ATF7IP: variants seen among roughly 807,000 people sequenced by gnomAD.
ATF7IP encodes the protein activating transcription factor 7-interacting protein 1.
Under a neutral mutation model 106.4 loss-of-function variants are expected in ATF7IP, and 23 were observed. The ratio of observed to expected loss-of-function variants is 0.22; its 90% CI spans 0.16 to 0.31. ATF7IP has a LOEUF of 0.31. Among genes scored for constraint, ATF7IP ranks in the 10% least tolerant of loss-of-function variants. ATF7IP has a pLI of 1.00. For synonymous variants in ATF7IP, 542 were observed against 539.0 expected (o/e 1.01, Z -0.08); for missense variants, 1,334 against 1,524.3 (o/e 0.88, Z 2.08).
rs987738057 is a variant in ATF7IP at position 14,444,343 on chromosome 12, A to G, written c.1930-2645A>G. Among the ~76,000 whole-genome samples the G allele has an allele frequency of 4.6e-5, 7 of 152,304 alleles. No individual in the cohort carries two copies. The South Asian group carries it at 6.2e-4, about 14-fold the overall frequency. On this transcript the variant is annotated intron_variant, in intron 5 of 14. Transcript: ENST00000261168. ...TATTTACTTGCTTTTATGAGCAGTAATATTTGTTATAGGCCAACCTTGATG... is the reference window on the plus strand; with the variant it reads ...TATTTACTTGCTTTTATGAGCAGTAGTATTTGTTATAGGCCAACCTTGATG...
intron 1 of ATF7IP, among the ~76,000 whole-genome samples, chr12:14,415,694 T>TG (rs200453734): frequency 0.048 from 7,199 of 151,324 alleles, 187 homozygotes; most frequent in Non-Finnish European, 0.059. Context: ...ACTTACTGTT[T>TG]TTTTTTTTTT....
chr12:14,424,162 G>A lies in ATF7IP; in HGVS notation c.247G>A (p.Gly83Arg). 1 of 1,614,164 alleles carries A rather than the reference G, an allele frequency of 6.2e-7. No individual in the cohort carries two copies. The highest frequency in any genetic ancestry group is 8.5e-7 in the Non-Finnish European group (1 of 1,180,030). Residue 83 changes from glycine to arginine, a missense_variant, in exon 2 of 15, where the codon GGA (glycine) becomes AGA (arginine). Physicochemically the swap from Gly to Arg is moderately radical, Grantham distance 125. Around this residue, in one of 10 missense-constraint regions of ATF7IP, gnomAD observed 74 missense variants for 101.9 expected, o/e 0.73. Transcript: ENST00000261168. The part of the protein sequence containing the change: ...GIEEICFDPE[G>R]SKAEWKETPC... Reference sequence around the variant, plus strand: ...TGAAGAGATTTGTTTTGATCCTGAAGGAAGTAAAGCAGAATGGAAGGAAAC... The same window carrying A: ...TGAAGAGATTTGTTTTGATCCTGAAAGAAGTAAAGCAGAATGGAAGGAAAC...
chr12:14,419,051 A>G (rs371017253), intron 1 of ATF7IP: 1 of 152,154 alleles, frequency 6.6e-6, no homozygotes, highest in South Asian at 2.1e-4. Flanking sequence ...ATTCCTAAAA[A>G]CGTTATCCTG....
intron 1 of ATF7IP, among the ~76,000 whole-genome samples, chr12:14,393,036 TG>T (rs1939651007): frequency 6.6e-6 from 1 of 152,194 alleles, no homozygotes; most frequent in South Asian, 2.1e-4. Flanking sequence ...GTAAGCATGT[TG>T]TGGAGATTTT....
chr12:14,493,179 C>G (rs1944887004), intron 13 of ATF7IP, among the ~76,000 whole-genome samples: 1 of 152,180 alleles, frequency 6.6e-6, no homozygotes, highest in East Asian at 1.9e-4. Context: ...ACTTAGTGGG[C>G]CCAAATCAAG....
intron 13 of ATF7IP, among the ~76,000 whole-genome samples, chr12:14,486,101 G>C (rs1325132887): frequency 2.0e-5 from 3 of 152,188 alleles, no homozygotes; most frequent in Admixed American, 1.3e-4. Flanking sequence ...TCTGCCAGCT[G>C]CTAAGTATGT....
chr12:14,417,378 T>C (rs1472495149), intron 1 of ATF7IP, among the ~76,000 whole-genome samples: 1 of 152,132 alleles, frequency 6.6e-6, no homozygotes, highest in Non-Finnish European at 1.5e-5. Context: ...TTCATAATAC[T>C]ATCCCTAGTA....
chr12:14,401,107 C>T (rs1940165827), intron 1 of ATF7IP, among the ~76,000 whole-genome samples: 1 of 151,946 alleles, frequency 6.6e-6, no homozygotes. Flanking sequence ...TATTTTATGT[C>T]TAGTGTCTTT....
At chr12:14,417,853 A>C (rs927526879) in intron 1 of ATF7IP, among the ~76,000 whole-genome samples, 1 of 152,118 alleles carries the variant, frequency 6.6e-6, no homozygotes. Flanking sequence ...TTCTGACCTT[A>C]TTGTCTGTCT....
At chr12:14,412,007 A>G (rs765810143) in intron 1 of ATF7IP, among the ~76,000 whole-genome samples, 1 of 152,170 alleles carries the variant, frequency 6.6e-6, no homozygotes, top group Non-Finnish European at 1.5e-5. Context: ...GCATGTGGCT[A>G]TCCAGTTTTT....
At chr12:14,470,098 G>C (rs373532589) in intron 10 of ATF7IP, among the ~76,000 whole-genome samples, 45 of 152,228 alleles carry the variant, frequency 3.0e-4, no homozygotes, top group African/African-American at 1.1e-3. Flanking sequence ...ACTTCCAAGG[G>C]CAACGTTCTT....
At chr12:14,408,116 GCACACA>G (rs56229725) in intron 1 of ATF7IP, among the ~76,000 whole-genome samples, 5 of 148,982 alleles carry the variant, frequency 3.4e-5, no homozygotes, top group East Asian at 2.0e-4. Flanking sequence ...ATATTGATGT[GCACACA>G]CACACACACA....
chr12:14,394,732 A>G (rs1939744583), intron 1 of ATF7IP: 1 of 152,240 alleles, frequency 6.6e-6, no homozygotes, highest in Non-Finnish European at 1.5e-5. Flanking sequence ...TAGTGAGACC[A>G]CAATTGACAG....
intron 6 of ATF7IP, among the ~76,000 whole-genome samples, chr12:14,454,293 T>C (rs1943337025): frequency 6.6e-6 from 1 of 152,180 alleles, no homozygotes; most frequent in South Asian, 2.1e-4. Flanking sequence ...TCTGGTACTT[T>C]GGCAAGCTGT....
chr12:14,383,530 A>G (rs776541924), intron 1 of ATF7IP, among the ~76,000 whole-genome samples: 3 of 152,126 alleles, frequency 2.0e-5, no homozygotes, highest in Non-Finnish European at 2.9e-5. Context: ...GCCTTTCTCA[A>G]TTTACCAAAT....
intron 1 of ATF7IP, among the ~76,000 whole-genome samples, chr12:14,366,944 T>G (rs1938324309): frequency 6.6e-6 from 1 of 152,172 alleles, no homozygotes; most frequent in Non-Finnish European, 1.5e-5. Context: ...TTAATAGTTT[T>G]TTAGGGAAGG....
intron 1 of ATF7IP, among the ~76,000 whole-genome samples, chr12:14,368,007 A>G (rs557494534): frequency 1.3e-5 from 2 of 152,198 alleles, no homozygotes; most frequent in South Asian, 4.1e-4. Flanking sequence ...AGTTTTGTAA[A>G]TTTAAAAATT....
intron 1 of ATF7IP, among the ~76,000 whole-genome samples, chr12:14,410,534 T>C (rs1940856245): frequency 6.6e-6 from 1 of 152,144 alleles, no homozygotes; most frequent in African/African-American, 2.4e-5. Context: ...AATTTGGATA[T>C]GCCAAAGAGA....
Position 14,423,974 on chromosome 12 carries a change from T to C in ATF7IP, c.59T>C (p.Val20Ala), listed in dbSNP as rs761629370. 1 of 1,613,412 alleles carries C rather than the reference T, an allele frequency of 6.2e-7. No homozygotes were observed. Among genetic ancestry groups the C allele is most frequent in the Admixed American group, 1.7e-5 (1 of 59,922 alleles). ...KVFKARKTMRVSDRQQLEAVY... is the reference protein window; with the variant it reads ...KVFKARKTMRASDRQQLEAVY... Reference sequence around the variant, plus strand: ...TTTAAGGCTCGAAAAACGATGAGAGTGAGTGATCGTCAGCAACTTGAAGCA... The same window carrying C: ...TTTAAGGCTCGAAAAACGATGAGAGCGAGTGATCGTCAGCAACTTGAAGCA... The change falls in exon 2 of 15, where the codon GTG (valine) becomes GCG (alanine). Residue 20 changes from valine to alanine, a missense_variant. Val to Ala is a moderately conservative substitution (Grantham distance 64, BLOSUM62 0). Transcript: ENST00000261168.
Sources: gnomAD v4.1 joint callset for allele counts (sites outside exome capture counted in the v4.1 genomes callset) on GRCh38, gnomAD v4.1.1 for gene constraint, gnomAD v4.1.1 regional missense constraint, MANE v1.5 for transcripts, NCBI Gene and HGNC (gene_info 2026-07-23, HGNC 2026-07-21) for gene names.